The following NEU3 variants were observed in gnomAD, a reference collection of about 807,000 sequenced individuals.
NEU3 encodes the protein sialidase-3.
Under a neutral mutation model 11.4 loss-of-function variants are expected in NEU3, and 10 were observed. That is an observed-to-expected ratio of 0.88 (90% CI 0.54 to 1.49). The LOEUF is 1.49. NEU3 is among the 40% of genes most tolerant of loss of function. The pLI, the probability that NEU3 is intolerant of heterozygous loss-of-function variation, is 0.00. For synonymous variants in NEU3, 212 were observed against 228.2 expected (o/e 0.93, Z 0.64); for missense variants, 529 against 581.8 (o/e 0.91, Z 0.93).
downstream of NEU3, among the ~76,000 whole-genome samples, chr11:75,012,829 TGA>T (rs905791348): frequency 1.2e-4 from 19 of 152,108 alleles, no homozygotes; most frequent in African/African-American, 4.6e-4. Context: ...CCTCCCAAAG[TGA>T]GAGAGTTTGC....
At chr11:74,995,788 G>GTATTATTATTATTAT (rs59676820) in intron 2 of NEU3, among the ~76,000 whole-genome samples, 6 of 147,298 alleles carry the variant, frequency 4.1e-5, no homozygotes, top group African/African-American at 1.5e-4. Flanking sequence ...AAGATTTAGT[G>GTATTATTATTATTAT]TATTATTATT....
At chr11:74,994,909 C>G (rs1425106031) in intron 2 of NEU3, 189 bp downstream of exon 2, 1 of 701,312 alleles carries the variant, frequency 1.4e-6, no homozygotes. Flanking sequence ...TGGGTCCTCA[C>G]AGCCATTCTG....
upstream of NEU3, among the ~76,000 whole-genome samples, chr11:74,985,837 T>C (rs891572438): frequency 1.9e-4 from 29 of 152,232 alleles, no homozygotes; most frequent in East Asian, 1.9e-4. Context: ...CCACAGTTTA[T>C]TGAGGTTTGG....
chr11:75,002,242 A>G (rs1346322840), intron 2 of NEU3, among the ~76,000 whole-genome samples: 6 of 152,220 alleles, frequency 3.9e-5, no homozygotes, highest in Admixed American at 3.9e-4. Context: ...TTGTAGAGAT[A>G]AGGACCCACT....
rs536223833 is a variant in NEU3, at chr11:74,991,545, GC to G, written c.94+2393del. Among the ~76,000 whole-genome samples the G allele has an allele frequency of 5.3e-5, 8 of 152,246 alleles. No individual in the cohort carries two copies. The South Asian group carries it at 1.7e-3, about 32-fold the overall frequency. On this transcript the variant is annotated intron_variant, in intron 1 of 2. Coordinates refer to ENST00000294064, the MANE Select transcript of NEU3 (RefSeq NM_006656.6). ...TGGAAGATTGGTCTAAAATCATCAT[GC>G]CATTCCTCTGTCAAAAATTCTTGAG...
upstream of NEU3, among the ~76,000 whole-genome samples, chr11:74,983,467 A>G (rs1245048948): frequency 6.6e-6 from 1 of 152,212 alleles, no homozygotes; most frequent in Non-Finnish European, 1.5e-5. Flanking sequence ...GCAGTCACCA[A>G]GGTGAAATAT....
upstream of NEU3, chr11:74,988,340 C>T (rs903279623): frequency 2.0e-5 from 3 of 152,070 alleles, no homozygotes; most frequent in Admixed American, 2.0e-4. Flanking sequence ...CAGCCTATTA[C>T]CTTTACGTTG....
downstream of NEU3, among the ~76,000 whole-genome samples, chr11:75,011,602 A>G (rs1193526984): frequency 2.0e-5 from 3 of 152,322 alleles, no homozygotes; most frequent in East Asian, 3.9e-4. Context: ...AGAAACTGAT[A>G]AGGGTTGAGA....
At chr11:74,997,493 AG>A (rs1948800311) in intron 2 of NEU3, among the ~76,000 whole-genome samples, 1 of 152,160 alleles carries the variant, frequency 6.6e-6, no homozygotes, top group South Asian at 2.1e-4. Context: ...ATCAGCAATA[AG>A]GCTGTTTTGC....
chr11:75,016,573 C>T (rs1220843899), intron 3 of NEU3, among the ~76,000 whole-genome samples: 1 of 152,234 alleles, frequency 6.6e-6, no homozygotes, highest in Non-Finnish European at 1.5e-5. Flanking sequence ...CATCCCCTAG[C>T]ATAGTGGGAC....
intron 2 of NEU3, among the ~76,000 whole-genome samples, chr11:74,997,393 A>G (rs753686683): frequency 7.2e-5 from 11 of 152,182 alleles, no homozygotes; most frequent in Non-Finnish European, 1.0e-4. Context: ...AACTGAAGAG[A>G]GTTAGAACTT....
chr11:74,993,343 A>G (rs1021194153), intron 1 of NEU3, among the ~76,000 whole-genome samples: 13 of 152,226 alleles, frequency 8.5e-5, no homozygotes, highest in Admixed American at 6.5e-4. Flanking sequence ...AGCTGGGACC[A>G]CAGGTGCCTG....
chr11:74,990,127 A>G, intron 1 of NEU3: 1 of 665,742 alleles, frequency 1.5e-6, no homozygotes, highest in Non-Finnish European at 2.7e-6. Flanking sequence ...TTATAATTAA[A>G]GACACCTATT....
chr11:75,018,177 C>G (rs1948988836), intron 3 of NEU3, among the ~76,000 whole-genome samples: 3 of 151,946 alleles, frequency 2.0e-5, no homozygotes, highest in African/African-American at 7.3e-5. Context: ...ACTCTCACCT[C>G]TTAGCTTATT....
Position 75,006,557 on chromosome 11 carries a change from G to A in NEU3, c.*65G>A. The stretch of plus-strand genomic sequence containing the variant: ...TACAGACAGGTTAACAGAAGCTACT[G>A]AAGTCTACAGATAATCAAAAAACTT... On this transcript the variant is annotated 3_prime_UTR_variant, in exon 3 of 3. Coordinates refer to ENST00000294064, the MANE Select transcript of NEU3 (RefSeq NM_006656.6). 1 of 1,493,522 alleles carries A rather than the reference G, an allele frequency of 6.7e-7. No homozygotes were observed. The highest frequency in any genetic ancestry group is 9.0e-7 in the Non-Finnish European group (1 of 1,116,798). The allele number at this position is 1,493,522 out of a possible 1,614,324, so 92.5% of individuals were successfully genotyped here.
chr11:75,002,581 C>G (rs1288759681), intron 2 of NEU3, among the ~76,000 whole-genome samples: 1 of 152,154 alleles, frequency 6.6e-6, no homozygotes, highest in Non-Finnish European at 1.5e-5. Context: ...GAAGTGATAA[C>G]ATATACAGAA....
downstream of NEU3, among the ~76,000 whole-genome samples, chr11:75,012,877 C>G (rs1273967591): frequency 6.6e-6 from 1 of 152,176 alleles, no homozygotes; most frequent in Non-Finnish European, 1.5e-5. Flanking sequence ...CAACAGGCAG[C>G]GTACACATCT....
intron 2 of NEU3, among the ~76,000 whole-genome samples, chr11:74,997,751 T>C (rs927511505): frequency 6.7e-6 from 1 of 149,078 alleles, no homozygotes; most frequent in Admixed American, 6.7e-5. Flanking sequence ...TAATCCCAGC[T>C]ACTCAGGAGG....
At chr11:75,013,805 T>G (rs1202045731), downstream of NEU3, among the ~76,000 whole-genome samples, 2 of 152,220 alleles carry the variant, frequency 1.3e-5, no homozygotes, top group Non-Finnish European at 2.9e-5. Context: ...AAGCTGAGAT[T>G]CAGCAAGGTT....
Sources: allele counts gnomAD v4.1 joint callset (sites outside exome capture counted in the v4.1 genomes callset), GRCh38; gene constraint gnomAD v4.1.1; transcripts MANE v1.5; gene names NCBI Gene and HGNC (gene_info 2026-07-23, HGNC 2026-07-21).